Variants in ALK observed in about 807,000 individuals in gnomAD.
The protein encoded by ALK is ALK tyrosine kinase receptor.
A neutral mutation model predicts 163.1 loss-of-function variants in ALK; 74 were observed. The observed-to-expected ratio is 0.45, with a 90% CI of 0.38 to 0.55. The LOEUF (loss-of-function observed/expected upper bound fraction) is 0.55. ALK is among the 20% of genes least tolerant of loss of function. ALK has a pLI of 0.00. For missense variants in ALK, 2,063 were observed against 2,105.3 expected (o/e 0.98, Z 0.39); for synonymous variants, 960 against 843.2 (o/e 1.14, Z -2.40).
intron 3 of ALK, among the ~76,000 whole-genome samples, chr2:29,574,148 G>T (rs1374831864): frequency 1.3e-5 from 2 of 152,212 alleles, no homozygotes; most frequent in East Asian, 3.8e-4. Context: ...GTATGGTGAG[G>T]GACTGTGGTG....
chr2:29,250,508 C>T (rs551515808), intron 12 of ALK, among the ~76,000 whole-genome samples: 2 of 152,298 alleles, frequency 1.3e-5, no homozygotes, highest in African/African-American at 4.8e-5. Flanking sequence ...GTCTTGCAAT[C>T]AGGGTCTCCA....
intron 28 of ALK, among the ~76,000 whole-genome samples, chr2:29,195,585 A>G (rs960114957): frequency 6.6e-6 from 1 of 152,136 alleles, no homozygotes; most frequent in South Asian, 2.1e-4. Context: ...TACAAAAAAA[A>G]TTAGCTGGAT....
chr2:29,800,188 G>A (rs1441307257), intron 1 of ALK, among the ~76,000 whole-genome samples: 1 of 152,262 alleles, frequency 6.6e-6, no homozygotes. Flanking sequence ...AGAGGAGGCT[G>A]AAGAGTGACA....
Position 29,320,884 on chromosome 2 carries a change from T to C in ALK, c.1415-2A>G. ...AGTAAAAACCCACAGGCAGTTTCCC[T>C]ATGGAGAGAGCAGAGAGGCACCATC... is the stretch of plus-strand genomic sequence containing the variant. On this transcript the variant is annotated splice_acceptor_variant, in intron 6 of 28. Transcript: ENST00000389048. LOFTEE classifies it high-confidence loss of function. 6.2e-7 allele frequency: 1 copy of C among 1,614,108 alleles called. No homozygotes were observed. The highest frequency in any genetic ancestry group is 8.5e-7 in the Non-Finnish European group (1 of 1,180,002).
intron 3 of ALK, among the ~76,000 whole-genome samples, chr2:29,602,590 C>G (rs144274600): frequency 6.6e-6 from 1 of 152,122 alleles, no homozygotes; most frequent in Non-Finnish European, 1.5e-5. Context: ...AACCACAATG[C>G]CTGACTACCA....
At chr2:29,420,431 G>A (rs1669988201) in intron 4 of ALK, among the ~76,000 whole-genome samples, 1 of 151,390 alleles carries the variant, frequency 6.6e-6, no homozygotes, top group Non-Finnish European at 1.5e-5. Flanking sequence ...CCTCTTCAAA[G>A]TTCATTACCA....
At chr2:29,901,562 C>T (rs919993820) in intron 1 of ALK, among the ~76,000 whole-genome samples, 4 of 152,210 alleles carry the variant, frequency 2.6e-5, no homozygotes, top group Non-Finnish European at 5.9e-5. Context: ...GAAAACCCTA[C>T]TTTATCTGAT....
At position 29,474,101 on chromosome 2, in the gene ALK, A is replaced by T. The variant is rs964993297; in HGVS notation, c.1154+57814T>A. Among the ~76,000 whole-genome samples, 3 of 152,240 alleles carry T rather than the reference A, an allele frequency of 2.0e-5. No individual in the cohort carries two copies. In the South Asian group the frequency reaches 6.2e-4, roughly 32 times the overall value. ...AAAAGAAATGTATATATGCTCCAAA[A>T]GACAAGTATAAGGATAACCTAATTC... On this transcript the variant is annotated intron_variant, in intron 4 of 28. Coordinates refer to ENST00000389048, the MANE Select transcript of ALK (RefSeq NM_004304.5).
chr2:29,859,414 G>A (rs1382098582), intron 1 of ALK, among the ~76,000 whole-genome samples: 2 of 152,190 alleles, frequency 1.3e-5, no homozygotes, highest in Non-Finnish European at 2.9e-5. Flanking sequence ...ACTATGGGAT[G>A]CCAAAACTGC....
At chr2:29,450,206 C>T (rs938755715) in intron 4 of ALK, among the ~76,000 whole-genome samples, 10 of 152,172 alleles carry the variant, frequency 6.6e-5, no homozygotes, top group Admixed American at 2.0e-4. Flanking sequence ...ACACATGGGA[C>T]GCCAGGTTCT....
At chr2:29,826,918 C>T (rs2148383154) in intron 1 of ALK, among the ~76,000 whole-genome samples, 1 of 152,352 alleles carries the variant, frequency 6.6e-6, no homozygotes, top group East Asian at 1.9e-4. Flanking sequence ...AGATGTCAAA[C>T]TTTAAACCCA....
At chr2:29,653,191 G>A (rs1196018658) in intron 3 of ALK, among the ~76,000 whole-genome samples, 2 of 152,144 alleles carry the variant, frequency 1.3e-5, no homozygotes, top group East Asian at 3.9e-4. Context: ...CTCCATACAT[G>A]TGGTCACAGA....
At chr2:29,390,577 A>AG (rs1422485579) in intron 4 of ALK, among the ~76,000 whole-genome samples, 6 of 71,198 alleles carry the variant, frequency 8.4e-5, no homozygotes, top group Non-Finnish European at 1.7e-4. Context: ...AGAAAGAAAG[A>AG]GAAAAAAAAA....
At chr2:29,510,845 T>C (rs1198551036) in intron 4 of ALK, among the ~76,000 whole-genome samples, 2 of 152,152 alleles carry the variant, frequency 1.3e-5, no homozygotes, top group African/African-American at 4.8e-5. Flanking sequence ...GAAGTCTTCA[T>C]GAGGAAGGTG....
intron 3 of ALK, among the ~76,000 whole-genome samples, chr2:29,621,139 C>T (rs1378387742): frequency 6.6e-6 from 1 of 151,852 alleles, no homozygotes; most frequent in African/African-American, 2.4e-5. Flanking sequence ...AGAATACATG[C>T]ATCATTCATG....
At chr2:29,600,324 G>A (rs1675347477) in intron 3 of ALK, among the ~76,000 whole-genome samples, 1 of 152,146 alleles carries the variant, frequency 6.6e-6, no homozygotes, top group Non-Finnish European at 1.5e-5. Flanking sequence ...CATTAAATTG[G>A]CTCTTAAACA....
intron 4 of ALK, among the ~76,000 whole-genome samples, chr2:29,482,742 TAAC>T (rs67779903): frequency 0.73 from 109,656 of 150,902 alleles, 40,164 homozygotes; most frequent in South Asian, 0.81. Flanking sequence ...AAAACAACAA[TAAC>T]AACAACAACA....
intron 3 of ALK, among the ~76,000 whole-genome samples, chr2:29,639,854 A>G (rs1302472386): frequency 6.6e-6 from 1 of 152,218 alleles, no homozygotes; most frequent in African/African-American, 2.4e-5. Context: ...ATCTTCGACA[A>G]CATCCTATGA....
At chr2:29,845,750 G>A (rs1234588123) in intron 1 of ALK, among the ~76,000 whole-genome samples, 1 of 152,140 alleles carries the variant, frequency 6.6e-6, no homozygotes, top group Non-Finnish European at 1.5e-5. Context: ...TTTAACCTTG[G>A]AGAATAAAAT....
Sources: allele counts gnomAD v4.1 joint callset (sites outside exome capture counted in the v4.1 genomes callset), GRCh38; gene constraint gnomAD v4.1.1; transcripts MANE v1.5; gene names NCBI Gene and HGNC (gene_info 2026-07-23, HGNC 2026-07-21).